Variants in RGS7 observed in about 807,000 individuals in gnomAD.
RGS7 encodes the protein regulator of G-protein signaling 7.
In RGS7, 27 loss-of-function variants were observed where a neutral mutation model predicts 81.1. The observed-to-expected ratio is 0.33, with a 90% CI of 0.25 to 0.46. The LOEUF (loss-of-function observed/expected upper bound fraction) is 0.46. RGS7 is among the 20% of genes least tolerant of loss of function. The pLI, the probability that RGS7 is intolerant of heterozygous loss-of-function variation, is 1.00. For missense variants in RGS7, 396 were observed against 607.4 expected (o/e 0.65, Z 3.66); for synonymous variants, 208 against 207.7 (o/e 1.00, Z -0.01).
At chr1:240,875,975 G>T (rs952222272) in intron 6 of RGS7, among the ~76,000 whole-genome samples, 6 of 152,052 alleles carry the variant, frequency 3.9e-5, no homozygotes, top group African/African-American at 1.4e-4. Flanking sequence ...TGATTTTTAC[G>T]GTACCTTTAG....
intron 4 of RGS7, among the ~76,000 whole-genome samples, chr1:240,938,998 C>A (rs2148386611): frequency 6.6e-6 from 1 of 152,272 alleles, no homozygotes. Flanking sequence ...CACCCACTGT[C>A]TTCTGTTACT....
At chr1:241,115,977 G>A (rs1411539422) in intron 2 of RGS7, among the ~76,000 whole-genome samples, 1 of 152,102 alleles carries the variant, frequency 6.6e-6, no homozygotes, top group African/African-American at 2.4e-5. Flanking sequence ...TTAAAAGTGT[G>A]TGGCACTTCC....
intron 3 of RGS7, among the ~76,000 whole-genome samples, chr1:241,031,841 C>T (rs902108004): frequency 7.0e-6 from 1 of 143,222 alleles, no homozygotes; most frequent in Non-Finnish European, 1.5e-5. Context: ...TCTTTGTCAT[C>T]GTTGATTATT....
intron 3 of RGS7, among the ~76,000 whole-genome samples, chr1:241,056,390 A>G (rs1233083701): frequency 6.6e-6 from 1 of 151,926 alleles, no homozygotes; most frequent in Non-Finnish European, 1.5e-5. Flanking sequence ...TACCCATCTC[A>G]TCTCATTCAT....
At chr1:241,079,865 C>A (rs1305593449) in intron 3 of RGS7, among the ~76,000 whole-genome samples, 2 of 151,374 alleles carry the variant, frequency 1.3e-5, no homozygotes, top group African/African-American at 4.9e-5. Flanking sequence ...TTTTAGCAGC[C>A]TATAATCTCT....
intron 2 of RGS7, among the ~76,000 whole-genome samples, chr1:241,327,139 AAAGAAAG>A (rs2081636021): frequency 1.9e-5 from 2 of 105,044 alleles, no homozygotes; most frequent in African/African-American, 6.3e-5. Context: ...AGAAAGAAAG[AAAGAAAG>A]GAAAGAAAGA....
chr1:240,934,948 G>A (rs1339444389), intron 5 of RGS7, among the ~76,000 whole-genome samples: 1 of 142,714 alleles, frequency 7.0e-6, no homozygotes, highest in Non-Finnish European at 1.5e-5. Flanking sequence ...GAGTGCAGTG[G>A]CACAATCTCG....
At chr1:240,974,433 C>T (rs562728466) in intron 4 of RGS7, among the ~76,000 whole-genome samples, 87 of 152,284 alleles carry the variant, frequency 5.7e-4, no homozygotes, top group Non-Finnish European at 1.1e-3. Flanking sequence ...TACCATAAAT[C>T]CGATGCCACT....
intron 18 of RGS7, 82 bp from the exon 19 acceptor site, chr1:240,776,295 A>G: frequency 9.7e-7 from 1 of 1,032,100 alleles, no homozygotes; most frequent in Non-Finnish European, 1.5e-6. Flanking sequence ...GCAACTATTT[A>G]CTGTAGCTGA....
intron 9 of RGS7, among the ~76,000 whole-genome samples, chr1:240,857,809 G>T (rs1327347340): frequency 6.6e-6 from 1 of 152,086 alleles, no homozygotes; most frequent in African/African-American, 2.4e-5. Context: ...CATGTGTTGT[G>T]GGAGGGACCT....
chr1:241,038,891 C>T (rs900557149), intron 3 of RGS7, among the ~76,000 whole-genome samples: 1 of 151,934 alleles, frequency 6.6e-6, no homozygotes, highest in South Asian at 2.1e-4. Context: ...CACTTGAGCT[C>T]AGGAGTTTAA....
chr1:240,976,725 C>CTCTG (rs10661351), intron 4 of RGS7, among the ~76,000 whole-genome samples: 1 of 148,162 alleles, frequency 6.7e-6, no homozygotes, highest in African/African-American at 2.5e-5. Context: ...TCCTCAAAAT[C>CTCTG]TCTATCTATC....
chr1:241,253,199 C>T (rs960029314), intron 2 of RGS7, among the ~76,000 whole-genome samples: 8 of 152,128 alleles, frequency 5.3e-5, no homozygotes, highest in Non-Finnish European at 1.0e-4. Context: ...TATCATTTCC[C>T]CAGATTATCG....
chr1:241,215,746 G>A (rs59763317), intron 2 of RGS7, among the ~76,000 whole-genome samples: 2,008 of 152,250 alleles, frequency 0.013, 48 homozygotes, highest in African/African-American at 0.046. Flanking sequence ...TGTTTGAAGC[G>A]TTAAATGCCC....
rs1025590222 is a variant in RGS7 at position 241,230,109 on chromosome 1, C to G, written c.78+125590G>C. ...ATAATTCTGTCCTTCTAATATAAAT[C>G]TGACTTTTCTAACCTTGCCTTATAC... On this transcript the variant is annotated intron_variant, in intron 2 of 18. Coordinates refer to ENST00000440928, the MANE Select transcript of RGS7 (RefSeq NM_001364886.1). Among the ~76,000 whole-genome samples the G allele has an allele frequency of 3.2e-4, 49 of 151,908 alleles. 2 individuals are homozygous for G. The highest frequency in any genetic ancestry group is 3.1e-3 in the Admixed American group (48 of 15,252).
At chr1:240,900,281 T>C (rs1572669232) in intron 6 of RGS7, among the ~76,000 whole-genome samples, 2 of 152,210 alleles carry the variant, frequency 1.3e-5, no homozygotes, top group Admixed American at 6.5e-5. Flanking sequence ...TCTGAAGCCT[T>C]CTTCTCCCAA....
chr1:241,251,648 T>A (rs2148216464), intron 2 of RGS7, among the ~76,000 whole-genome samples: 1 of 152,060 alleles, frequency 6.6e-6, no homozygotes, highest in South Asian at 2.1e-4. Context: ...CAGCTGGGAT[T>A]ACAAGCGCTT....
intron 2 of RGS7, among the ~76,000 whole-genome samples, chr1:241,274,955 C>A (rs1360059318): frequency 6.6e-6 from 1 of 152,172 alleles, no homozygotes; most frequent in African/African-American, 2.4e-5. Context: ...ACTGATTATT[C>A]AAATTAACTT....
chr1:241,089,075 A>C lies in RGS7; in HGVS notation c.175+9591T>G, dbSNP rs910396630. 6.8e-3 allele frequency among the ~76,000 whole-genome samples: 524 copies of C among 76,902 alleles called. 3 individuals are homozygous for C. Among genetic ancestry groups the C allele is most frequent in the East Asian group, 0.016 (62 of 3,766 alleles). 50.5% of individuals were successfully genotyped at this position (76,902 alleles called of 152,430 possible). A position where few individuals can be genotyped will look rare whatever the true frequency, so the allele number is the denominator to read the frequency against. On this transcript the variant is annotated intron_variant, in intron 3 of 18. Transcript: ENST00000440928. ...TCTCTCTCTCTCTCTATATATATAT[A>C]TATATATATATATATATATATACTG...
Sources: gnomAD v4.1 joint callset for allele counts (sites outside exome capture counted in the v4.1 genomes callset) on GRCh38, gnomAD v4.1.1 for gene constraint, MANE v1.5 for transcripts, NCBI Gene and HGNC (gene_info 2026-07-23, HGNC 2026-07-21) for gene names.